The following TMEM178B variants were observed in gnomAD, a reference collection of about 807,000 sequenced individuals.
TMEM178B encodes the protein transmembrane protein 178B.
Under a neutral mutation model 31.0 loss-of-function variants are expected in TMEM178B, and 5 were observed. The ratio of observed to expected loss-of-function variants is 0.16; its 90% CI spans 0.08 to 0.34. The LOEUF is 0.34. Ranked by LOEUF, TMEM178B falls within the 10% of genes least tolerant of loss-of-function variation. The pLI, the probability that TMEM178B is intolerant of heterozygous loss-of-function variation, is 1.00. For missense variants in TMEM178B, 275 were observed against 400.3 expected (o/e 0.69, Z 2.67); for synonymous variants, 164 against 164.0 (o/e 1.00, Z 0.00).
intron 1 of TMEM178B, among the ~76,000 whole-genome samples, chr7:141,091,750 C>T (rs563743260): frequency 3.9e-5 from 6 of 152,280 alleles, no homozygotes; most frequent in African/African-American, 9.6e-5. Flanking sequence ...TTTTTAGAGA[C>T]GGAGTCTTGC....
chr7:141,275,926 G>A (rs1281301647), intron 2 of TMEM178B, among the ~76,000 whole-genome samples: 1 of 152,180 alleles, frequency 6.6e-6, no homozygotes, highest in Admixed American at 6.5e-5. Context: ...TGTTCATGGA[G>A]AGCTGCATGT....
intron 1 of TMEM178B, among the ~76,000 whole-genome samples, chr7:141,156,658 A>G (rs1187917627): frequency 6.6e-6 from 1 of 152,238 alleles, no homozygotes; most frequent in African/African-American, 2.4e-5. Context: ...TGGAGGGATT[A>G]TCCAGGTTAA....
intron 1 of TMEM178B, among the ~76,000 whole-genome samples, chr7:141,094,674 G>T (rs1794930365): frequency 6.6e-6 from 1 of 152,140 alleles, no homozygotes. Context: ...CTTTCTAGTT[G>T]CTATCTCCTG....
At chr7:141,410,995 A>T (rs1800977058) in intron 2 of TMEM178B, among the ~76,000 whole-genome samples, 1 of 152,206 alleles carries the variant, frequency 6.6e-6, no homozygotes, top group Admixed American at 6.5e-5. Flanking sequence ...CATTTAAGGC[A>T]TATGAGTGGT....
chr7:141,289,480 C>A (rs1798506032), intron 2 of TMEM178B, among the ~76,000 whole-genome samples: 1 of 151,998 alleles, frequency 6.6e-6, no homozygotes, highest in African/African-American at 2.4e-5. Flanking sequence ...TTTTGGGAGA[C>A]CGAGGCAGGC....
At chr7:141,228,371 A>G (rs1315169530) in intron 2 of TMEM178B, among the ~76,000 whole-genome samples, 1 of 152,124 alleles carries the variant, frequency 6.6e-6, no homozygotes, top group East Asian at 1.9e-4. Context: ...CTCAGATTTA[A>G]GATAGACTTT....
chr7:141,287,444 T>C (rs1205062760), intron 2 of TMEM178B, among the ~76,000 whole-genome samples: 1 of 152,202 alleles, frequency 6.6e-6, no homozygotes, highest in African/African-American at 2.4e-5. Flanking sequence ...CTTTTTGGAA[T>C]GATATAGGTC....
chr7:141,352,146 C>T (rs541338365), intron 2 of TMEM178B: 1 of 152,566 alleles, frequency 6.6e-6, no homozygotes, highest in Admixed American at 6.5e-5. Context: ...ACTACTACCA[C>T]TGGGAGTATC....
chr7:141,089,535 A>G (rs1041850599), intron 1 of TMEM178B, among the ~76,000 whole-genome samples: 5 of 152,256 alleles, frequency 3.3e-5, no homozygotes, highest in Admixed American at 6.5e-5. Flanking sequence ...ATTATAAATC[A>G]TGCTGCTATA....
At chr7:141,082,803 G>A (rs1306812944) in intron 1 of TMEM178B, among the ~76,000 whole-genome samples, 2 of 152,222 alleles carry the variant, frequency 1.3e-5, no homozygotes, top group Non-Finnish European at 2.9e-5. Flanking sequence ...GTGGTATCAG[G>A]TGCTTCCTCA....
intron 2 of TMEM178B, among the ~76,000 whole-genome samples, chr7:141,423,492 C>T (rs1382837443): frequency 6.6e-6 from 1 of 152,176 alleles, no homozygotes; most frequent in Non-Finnish European, 1.5e-5. Context: ...GTGCTCTACA[C>T]CCACATGAGC....
intron 2 of TMEM178B, among the ~76,000 whole-genome samples, chr7:141,418,234 T>C (rs979416596): frequency 6.6e-6 from 1 of 152,134 alleles, no homozygotes; most frequent in African/African-American, 2.4e-5. Context: ...TCCCTCCTCT[T>C]CTCTCCAGCC....
downstream of TMEM178B, among the ~76,000 whole-genome samples, chr7:141,481,474 G>C (rs1802473101): frequency 1.3e-5 from 2 of 151,818 alleles, no homozygotes; most frequent in South Asian, 4.1e-4. Context: ...GGGTGGCCAA[G>C]TGGGTGTGAC....
Position 141,438,696 on chromosome 7 carries a change from T to TAAAAAAAAAAAAAAAAAAAAAAAAA in TMEM178B, c.634+957_634+981dup, listed in dbSNP as rs869132131. 1.7e-4 allele frequency among the ~76,000 whole-genome samples: 5 copies of TAAAAAAAAAAAAAAAAAAAAAAAAA among 29,004 alleles called. 1 individual carries two copies. Among genetic ancestry groups the TAAAAAAAAAAAAAAAAAAAAAAAAA allele is most frequent in the Admixed American group, 5.7e-4 (1 of 1,746 alleles). The allele number at this position is 29,004 out of a possible 152,430, so 19.0% of individuals were successfully genotyped here. On this transcript the variant is annotated intron_variant, in intron 3 of 3. Coordinates refer to ENST00000565468, the MANE Select transcript of TMEM178B (RefSeq NM_001195278.2). ...CAGCTTGGTAAAACCCCGTCTCTAC[T>TAAAAAAAAAAAAAAAAAAAAAAAAA]AAAAAAAAAAAAAAAAAAAAAAAAA...
chr7:141,075,242 G>C (rs1794583966), intron 1 of TMEM178B, among the ~76,000 whole-genome samples: 1 of 152,156 alleles, frequency 6.6e-6, no homozygotes, highest in Admixed American at 6.5e-5. Flanking sequence ...CTCCAAGCCA[G>C]CTGACCAGCA....
At chr7:141,336,500 A>G (rs1799390313) in intron 2 of TMEM178B, among the ~76,000 whole-genome samples, 1 of 152,024 alleles carries the variant, frequency 6.6e-6, no homozygotes, top group Admixed American at 6.5e-5. Flanking sequence ...CTAATTTCTC[A>G]TCTGTAAAAT....
intron 1 of TMEM178B, among the ~76,000 whole-genome samples, chr7:141,106,703 C>T (rs1000072259): frequency 1.1e-4 from 16 of 152,212 alleles, no homozygotes; most frequent in African/African-American, 3.6e-4. Context: ...CAGTGGTCCT[C>T]CCCCATCATC....
chr7:141,467,909 G>A (rs1406780889), intron 3 of TMEM178B, among the ~76,000 whole-genome samples: 7 of 148,140 alleles, frequency 4.7e-5, no homozygotes, highest in East Asian at 2.0e-4. Context: ...GCTTACACTC[G>A]CCCTGGAGTC....
chr7:141,373,228 G>A (rs1356313052), intron 2 of TMEM178B, among the ~76,000 whole-genome samples: 2 of 152,220 alleles, frequency 1.3e-5, no homozygotes, highest in Non-Finnish European at 2.9e-5. Context: ...TTGCTGTGGT[G>A]CAAGCTCTGA....
Sources: allele counts gnomAD v4.1 joint callset (sites outside exome capture counted in the v4.1 genomes callset), GRCh38; gene constraint gnomAD v4.1.1; transcripts MANE v1.5; gene names NCBI Gene and HGNC (gene_info 2026-07-23, HGNC 2026-07-21).